Variants in RALYL observed in about 807,000 individuals in gnomAD.
The protein encoded by RALYL is RALY RNA binding protein like, also known as RNA-binding Raly-like protein.
A neutral mutation model predicts 35.1 loss-of-function variants in RALYL; 29 were observed. The observed-to-expected ratio is 0.83, with a 90% CI of 0.61 to 1.13. The LOEUF (loss-of-function observed/expected upper bound fraction) is 1.13. RALYL is among the 50% of genes most tolerant of loss of function. The probability of loss-of-function intolerance (pLI) is 0.00; values close to 1 mark genes in which losing one functional copy is unlikely to be tolerated. For missense variants in RALYL, 359 were observed against 360.4 expected, an observed-to-expected ratio of 1.00 and a Z score of 0.03; for synonymous variants, 120 against 127.6, an observed-to-expected ratio of 0.94 and a Z score of 0.40.
rs1468958306 is a variant in RALYL at position 84,566,685 on chromosome 8, C to A, written c.256+37108C>A. On this transcript the variant is annotated intron_variant, in intron 2 of 8. Transcript: ENST00000521268. Reference sequence around the variant, plus strand: ...ATCCAAGTTAATGAAGGAATAGAATCAGACACTAACCTTGAGAGTACATAA... The same window carrying A: ...ATCCAAGTTAATGAAGGAATAGAATAAGACACTAACCTTGAGAGTACATAA... Among the ~76,000 whole-genome samples, 4 of 151,508 alleles carry A rather than the reference C, an allele frequency of 2.6e-5. No individual in the cohort carries two copies. The East Asian group carries it at 7.8e-4, about 29-fold the overall frequency.
chr8:84,214,318 A>G (rs1243567619), intron 1 of RALYL, among the ~76,000 whole-genome samples: 1 of 152,148 alleles, frequency 6.6e-6, no homozygotes, highest in African/African-American at 2.4e-5. Flanking sequence ...CTTATGGTCA[A>G]ACTATTTCTG....
intron 8 of RALYL, among the ~76,000 whole-genome samples, chr8:84,912,314 AAAAGGGTTTTAGGAGC>A (rs1374557920): frequency 6.6e-6 from 1 of 152,112 alleles, no homozygotes; most frequent in Non-Finnish European, 1.5e-5. Context: ...TTAGGAAATT[AAAAGGGTTTTAGGAGC>A]TCTGTGCTAG....
intron 1 of RALYL, among the ~76,000 whole-genome samples, chr8:84,515,038 T>G (rs2134504011): frequency 6.6e-6 from 1 of 152,308 alleles, no homozygotes; most frequent in South Asian, 2.1e-4. Flanking sequence ...CAGTTTGGCT[T>G]CTGGTCTCTC....
chr8:84,437,595 C>T (rs909991177), intron 1 of RALYL, among the ~76,000 whole-genome samples: 2 of 152,020 alleles, frequency 1.3e-5, no homozygotes, highest in Non-Finnish European at 2.9e-5. Context: ...ATGTGCATTT[C>T]TCTGATGATT....
At position 84,824,255 on chromosome 8, in the gene RALYL, A is replaced by G. The variant is rs200690888; in HGVS notation, c.365+19453A>G. 2.1e-4 allele frequency among the ~76,000 whole-genome samples: 16 copies of G among 76,254 alleles called. 1 individual carries two copies. The East Asian group carries it at 8.3e-3, about 40-fold the overall frequency. 50.0% of individuals were successfully genotyped at this position (76,254 alleles called of 152,430 possible). A position where few individuals can be genotyped will look rare whatever the true frequency, so the allele number is the denominator to read the frequency against. ...AATCAAGAATGTAATCCCATTTACAATAGCTGCAAAAAAAAAAATAAGTCA... is the reference window on the plus strand; with the variant it reads ...AATCAAGAATGTAATCCCATTTACAGTAGCTGCAAAAAAAAAAATAAGTCA... On this transcript the variant is annotated intron_variant, in intron 4 of 8. Coordinates refer to ENST00000521268, the MANE Select transcript of RALYL (RefSeq NM_173848.7).
intron 1 of RALYL, among the ~76,000 whole-genome samples, chr8:84,384,289 G>A (rs1037289591): frequency 6.6e-6 from 1 of 151,570 alleles, no homozygotes; most frequent in East Asian, 2.0e-4. Context: ...CTTTGAAAAC[G>A]AAAATCCTTT....
At chr8:84,668,336 A>C (rs1186211247) in intron 2 of RALYL, among the ~76,000 whole-genome samples, 1 of 152,164 alleles carries the variant, frequency 6.6e-6, no homozygotes, top group Non-Finnish European at 1.5e-5. Flanking sequence ...AAAGAGAAGC[A>C]GTCATGCAGT....
At chr8:84,393,801 T>C (rs1861219633) in intron 1 of RALYL, among the ~76,000 whole-genome samples, 1 of 152,114 alleles carries the variant, frequency 6.6e-6, no homozygotes, top group South Asian at 2.1e-4. Flanking sequence ...TTTCTCACCA[T>C]AAAATGGTGT....
At chr8:84,880,365 C>A (rs1474837133) in intron 7 of RALYL, among the ~76,000 whole-genome samples, 1 of 152,070 alleles carries the variant, frequency 6.6e-6, no homozygotes, top group African/African-American at 2.4e-5. Context: ...TTGAAGCCAT[C>A]TTGTGAATAA....
rs537093671 is a variant in RALYL, at chr8:84,271,494, T to C, written c.-24+87070T>C. On this transcript the variant is annotated intron_variant, in intron 1 of 8. Transcript: ENST00000521268. ...TGTGTGTGTGTGTGTGTGTGTGTTT[T>C]AACATTCTATCCAGCAGTTACATTT... 6.9e-4 allele frequency among the ~76,000 whole-genome samples: 104 copies of C among 150,602 alleles called. 4 individuals carry two copies. In the South Asian group the frequency reaches 0.021, roughly 31 times the overall value.
intron 2 of RALYL, among the ~76,000 whole-genome samples, chr8:84,646,718 T>C (rs1827579219): frequency 6.6e-6 from 1 of 151,946 alleles, no homozygotes; most frequent in Non-Finnish European, 1.5e-5. Flanking sequence ...TTTTATTCCT[T>C]TTTGTTTTCT....
intron 1 of RALYL, among the ~76,000 whole-genome samples, chr8:84,509,514 A>G (rs1352316441): frequency 6.6e-6 from 1 of 152,102 alleles, no homozygotes; most frequent in Non-Finnish European, 1.5e-5. Context: ...AGGGGTTTTT[A>G]AATTTAATAA....
intron 2 of RALYL, among the ~76,000 whole-genome samples, chr8:84,643,607 C>A (rs983033001): frequency 1.3e-5 from 2 of 151,994 alleles, no homozygotes; most frequent in Non-Finnish European, 2.9e-5. Context: ...GCTGGAGACT[C>A]CGGAGCACAC....
chr8:84,219,595 CTG>C (rs993836848), intron 1 of RALYL, among the ~76,000 whole-genome samples: 2 of 150,956 alleles, frequency 1.3e-5, no homozygotes, highest in Admixed American at 6.6e-5. Flanking sequence ...TAAGACATGT[CTG>C]TGTGTGTGTG....
At chr8:84,352,898 A>T (rs1851181595) in intron 1 of RALYL, among the ~76,000 whole-genome samples, 1 of 149,962 alleles carries the variant, frequency 6.7e-6, no homozygotes. Flanking sequence ...CTCTGCAAAA[A>T]ATTGTAAACT....
chr8:84,630,521 G>A (rs952853604), intron 2 of RALYL, among the ~76,000 whole-genome samples: 1 of 152,042 alleles, frequency 6.6e-6, no homozygotes, highest in Non-Finnish European at 1.5e-5. Flanking sequence ...GAAGGATGAT[G>A]CAGTTTCTCC....
intron 2 of RALYL, among the ~76,000 whole-genome samples, chr8:84,648,978 A>G (rs1347541159): frequency 6.6e-6 from 1 of 151,942 alleles, no homozygotes; most frequent in Non-Finnish European, 1.5e-5. Context: ...TAAGCATAAC[A>G]CCACATGGTG....
intron 2 of RALYL, among the ~76,000 whole-genome samples, chr8:84,767,918 T>C (rs931407196): frequency 6.6e-6 from 1 of 152,200 alleles, no homozygotes; most frequent in African/African-American, 2.4e-5. Flanking sequence ...TTTTGAAATA[T>C]GCCAAAAGCA....
chr8:84,872,875 A>C (rs1230895583), intron 6 of RALYL: 1 of 153,724 alleles, frequency 6.5e-6, no homozygotes, highest in African/African-American at 2.4e-5. Context: ...AATATCATTG[A>C]CTGCTGAAAT....
Sources: gnomAD v4.1 joint callset for allele counts (sites outside exome capture counted in the v4.1 genomes callset) on GRCh38, gnomAD v4.1.1 for gene constraint, MANE v1.5 for transcripts, NCBI Gene and HGNC (gene_info 2026-07-23, HGNC 2026-07-21) for gene names.